Variants in TRABD2A observed in about 807,000 individuals in gnomAD.
TRABD2A encodes TraB domain containing 2A, also known as metalloprotease TIKI1.
In TRABD2A, 43 loss-of-function variants were observed where a neutral mutation model predicts 45.6. The observed-to-expected ratio is 0.94, with a 90% CI of 0.74 to 1.22. The LOEUF is 1.22. Ranked by LOEUF, TRABD2A falls within the 50% of genes most tolerant of loss-of-function variation. The pLI is 0.00. For synonymous variants in TRABD2A, 269 were observed against 265.0 expected (o/e 1.02, Z -0.15); for missense variants, 642 against 652.4 (o/e 0.98, Z 0.17).
intron 2 of TRABD2A, among the ~76,000 whole-genome samples, chr2:84,868,159 A>C (rs1682744241): frequency 6.6e-6 from 1 of 152,206 alleles, no homozygotes; most frequent in Non-Finnish European, 1.5e-5. Flanking sequence ...GGCACTATCC[A>C]CAATAGCAAA....
chr2:84,857,088 G>A (rs1181600302), intron 2 of TRABD2A, among the ~76,000 whole-genome samples: 2 of 152,178 alleles, frequency 1.3e-5, no homozygotes, highest in Admixed American at 6.5e-5. Context: ...GATTCGCCCT[G>A]ATCTTGAACT....
At chr2:84,850,874 A>G (rs1471847671) in intron 2 of TRABD2A, 1 of 152,276 alleles carries the variant, frequency 6.6e-6, no homozygotes, top group Non-Finnish European at 1.5e-5. Context: ...ACCTAACATC[A>G]TGCTGCTGGC....
intron 3 of TRABD2A, among the ~76,000 whole-genome samples, chr2:84,841,063 G>A (rs554605407): frequency 6.6e-6 from 1 of 152,142 alleles, no homozygotes; most frequent in African/African-American, 2.4e-5. Flanking sequence ...CCCCTCTCCA[G>A]TGTCTTCATG....
rs774758535 is a variant in TRABD2A at position 84,839,595 on chromosome 2, C to T, written c.817-272G>A. Among the ~76,000 whole-genome samples, 287 of 150,882 alleles carry T rather than the reference C, an allele frequency of 1.9e-3. 4 individuals carry two copies. Among genetic ancestry groups the T allele is most frequent in the Non-Finnish European group, 2.1e-3 (142 of 67,848 alleles). On this transcript the variant is annotated intron_variant, in intron 3 of 6. Transcript: ENST00000409520. ...TTAGTTAAATGGCTCTGTCTGATGCCGTGTGTTTATAAAAAAAAAAAAAGG... is the reference window on the plus strand; with the variant it reads ...TTAGTTAAATGGCTCTGTCTGATGCTGTGTGTTTATAAAAAAAAAAAAAGG...
chr2:84,841,302 A>C (rs1395933526), intron 3 of TRABD2A, among the ~76,000 whole-genome samples: 2 of 152,188 alleles, frequency 1.3e-5, no homozygotes, highest in African/African-American at 2.4e-5. Flanking sequence ...TCAATGGCCC[A>C]CAGGTAAGGC....
chr2:84,831,490 A>T (rs904753119), intron 5 of TRABD2A, among the ~76,000 whole-genome samples: 6 of 151,594 alleles, frequency 4.0e-5, no homozygotes, highest in African/African-American at 1.5e-4. Flanking sequence ...GGGCCTCCTG[A>T]GTTCTTTACA....
At chr2:84,828,263 G>A (rs1681206976) in intron 5 of TRABD2A, among the ~76,000 whole-genome samples, 2 of 152,068 alleles carry the variant, frequency 1.3e-5, no homozygotes, top group African/African-American at 4.8e-5. Flanking sequence ...ACCCATCTCT[G>A]TCTCCCCAAT....
chr2:84,876,972 T>C (rs989235071), intron 1 of TRABD2A, among the ~76,000 whole-genome samples: 1 of 152,236 alleles, frequency 6.6e-6, no homozygotes, highest in Non-Finnish European at 1.5e-5. Context: ...ACTTGCCATA[T>C]ACTACTACAT....
chr2:84,857,708 T>C (rs1478783), intron 2 of TRABD2A, among the ~76,000 whole-genome samples: 149,543 of 152,292 alleles, frequency 0.98, 73,439 homozygotes, highest in East Asian at 1. Context: ...CCAGCTGTCT[T>C]AGTTCCCAGA....
chr2:84,859,525 G>A (rs985138440), intron 2 of TRABD2A, among the ~76,000 whole-genome samples: 1 of 152,246 alleles, frequency 6.6e-6, no homozygotes, highest in Non-Finnish European at 1.5e-5. Flanking sequence ...CCGCATGGAA[G>A]CAAATGAATA....
intron 2 of TRABD2A, among the ~76,000 whole-genome samples, chr2:84,860,929 G>C (rs1682474281): frequency 6.6e-6 from 1 of 152,200 alleles, no homozygotes; most frequent in African/African-American, 2.4e-5. Context: ...GGGCTGGGTA[G>C]GAATGTGAAG....
intron 2 of TRABD2A, among the ~76,000 whole-genome samples, chr2:84,869,963 G>A (rs1330963717): frequency 7.4e-6 from 1 of 134,788 alleles, no homozygotes; most frequent in African/African-American, 2.9e-5. Flanking sequence ...TGGGTGGAAT[G>A]ACTCTGTCCC....
rs1369417625 is a variant in TRABD2A, at chr2:84,824,210, C to T, written c.1083-6G>A. 6.2e-6 allele frequency: 10 copies of T among 1,613,646 alleles called. No homozygotes were observed. The highest frequency in any genetic ancestry group is 3.3e-5 in the Admixed American group (2 of 59,952). On this transcript the variant is annotated splice_polypyrimidine_tract_variant and splice_region_variant and intron_variant, in intron 5 of 6. Transcript: ENST00000409520. ...AGGTCTTTTTACTCTTCCCTCTGTA[C>T]GCAAGTGGAAGGAGAAGGTATTTGG...
At chr2:84,870,107 T>C (rs1199591184) in intron 2 of TRABD2A, 118 bp downstream of exon 2, 1 of 1,109,606 alleles carries the variant, frequency 9.0e-7, no homozygotes, top group Non-Finnish European at 1.3e-6. Context: ...AAAAGCATTT[T>C]TAAGCAAAGA....
intron 2 of TRABD2A, among the ~76,000 whole-genome samples, chr2:84,842,726 C>CAAA (rs554936599): frequency 7.9e-5 from 8 of 101,406 alleles, no homozygotes; most frequent in Non-Finnish European, 1.3e-4. Flanking sequence ...GACTCTGTCT[C>CAAA]AAAAAAAAAA....
chr2:84,865,825 C>G (rs1682657654), intron 2 of TRABD2A, among the ~76,000 whole-genome samples: 1 of 152,168 alleles, frequency 6.6e-6, no homozygotes, highest in African/African-American at 2.4e-5. Context: ...CTAGGGGAAC[C>G]TACCTGTGCA....
Position 84,870,617 on chromosome 2 carries a change from G to T in TRABD2A, c.277C>A (p.Pro93Thr), listed in dbSNP as rs1428913423. 2 of 1,613,260 alleles carry T rather than the reference G, an allele frequency of 1.2e-6. No individual in the cohort carries two copies. Among genetic ancestry groups the T allele is most frequent in the Admixed American group, 1.7e-5 (1 of 59,838 alleles). ...IVYFELDLTD[P>T]YTISALTSCQ... ...CTGGTGAGAGCTGAGATGGTATAGG[G>T]GTCTGTGAGATCCAACTCAAAGTAC... Residue 93 changes from proline (P) to threonine (T), a missense_variant, in exon 2 of 7, where the codon CCC becomes ACC. Coordinates refer to ENST00000409520, the MANE Select transcript of TRABD2A (RefSeq NM_001277053.2).
rs2105374548 is a variant in TRABD2A, at chr2:84,832,093, A to G, written c.1044T>C (p.Tyr348=). The G allele has an allele frequency of 6.2e-7, 1 of 1,613,942 alleles. No individual in the cohort carries two copies. Among genetic ancestry groups the G allele is most frequent in the South Asian group, 1.1e-5 (1 of 91,082 alleles). The change falls in exon 5 of 7, where the codon TAT becomes TAC. Residue 348 remains tyrosine (Y), a synonymous_variant. Transcript: ENST00000409520. ...GTCCAGCAGGGGCGTGTTCTACCTC[A>G]TAGCCTTCACGCCGCAAAACATCCA... ...TVLDVLRREG[Y]EVEHAPAGRP... is the part of the protein sequence containing the mutation.
intron 1 of TRABD2A, among the ~76,000 whole-genome samples, chr2:84,873,893 G>T (rs1458297017): frequency 2.0e-5 from 3 of 152,144 alleles, no homozygotes; most frequent in Non-Finnish European, 2.9e-5. Flanking sequence ...CTTCTACATA[G>T]TTTCCAACTG....
Sources: gnomAD v4.1 joint callset for allele counts (sites outside exome capture counted in the v4.1 genomes callset) on GRCh38, gnomAD v4.1.1 for gene constraint, MANE v1.5 for transcripts, NCBI Gene and HGNC (gene_info 2026-07-23, HGNC 2026-07-21) for gene names.